Variants in MYO18B observed in about 807,000 individuals in gnomAD.
MYO18B encodes the protein myosin XVIIIB.
A neutral mutation model predicts 273.0 loss-of-function variants in MYO18B; 204 were observed. The observed-to-expected ratio is 0.75, with a 90% CI of 0.67 to 0.84. MYO18B has a LOEUF of 0.84. Among genes scored for constraint, MYO18B ranks in the 40% least tolerant of loss-of-function variants. The pLI is 0.00. For synonymous variants in MYO18B, 1,330 were observed against 1,305.7 expected (o/e 1.02, Z -0.40); for missense variants, 3,212 against 3,287.6 (o/e 0.98, Z 0.56).
chr22:25,955,452 C>T (rs933477467), intron 39 of MYO18B, 88 bp downstream of exon 39: 1 of 1,406,768 alleles, frequency 7.1e-7, no homozygotes, highest in East Asian at 2.4e-5. Context: ...GAATGGGAGA[C>T]TCATAGGTTT....
chr22:25,908,846 A>G (rs985860770), intron 32 of MYO18B, among the ~76,000 whole-genome samples: 1 of 152,196 alleles, frequency 6.6e-6, no homozygotes, highest in Non-Finnish European at 1.5e-5. Flanking sequence ...ACCCCTTGAC[A>G]TGTTATCACC....
rs543514290 is a variant in MYO18B, at chr22:25,814,183, T to G, written c.2522-9322T>G. ...ATTTCAGACTGGTTGAGCCACTCACTTGTTGAGTGGCTCTGTGAAAGTTCC... is the reference window on the plus strand; with the variant it reads ...ATTTCAGACTGGTTGAGCCACTCACGTGTTGAGTGGCTCTGTGAAAGTTCC... On this transcript the variant is annotated intron_variant, in intron 12 of 43. Transcript: ENST00000335473. Among the ~76,000 whole-genome samples, 64 of 152,160 alleles carry G rather than the reference T, an allele frequency of 4.2e-4. 1 individual carries two copies. In the South Asian group the frequency reaches 0.012, roughly 30 times the overall value.
chr22:25,763,172 C>T, intron 2 of MYO18B, 59 bp from the exon 3 acceptor site: 1 of 1,603,780 alleles, frequency 6.2e-7, no homozygotes. Context: ...CTTTGAAGGG[C>T]AGCTTGCTCC....
chr22:25,952,287 T>C lies in MYO18B; in HGVS notation c.5834T>C (p.Leu1945Pro). 1.2e-6 allele frequency: 2 copies of C among 1,609,298 alleles called. No homozygotes were observed. The highest frequency in any genetic ancestry group is 1.7e-6 in the Non-Finnish European group (2 of 1,178,132). The change falls in exon 38 of 44, where the codon CTG (leucine) becomes CCG (proline). Residue 1945 changes from leucine (L) to proline (P), a missense_variant and splice_region_variant. Transcript: ENST00000335473. ...KKEKHKLQEQ[L>P]QVAQMRIEYL... The stretch of plus-strand genomic sequence containing the variant: ...AATAGACTTCTCTCATACTTACAGC[T>C]GCAGGTGGCTCAGATGCGCATCGAG...
chr22:25,882,198 A>G (rs1330362637), intron 25 of MYO18B, among the ~76,000 whole-genome samples: 1 of 107,622 alleles, frequency 9.3e-6, no homozygotes, highest in Non-Finnish European at 1.8e-5. Context: ...CCCTGTTTTC[A>G]TCCCTGTTCG....
At chr22:26,015,622 G>A (rs1001118899) in intron 42 of MYO18B, among the ~76,000 whole-genome samples, 8 of 152,152 alleles carry the variant, frequency 5.3e-5, no homozygotes, top group African/African-American at 1.9e-4. Flanking sequence ...GACACATAGA[G>A]GGGAACAACA....
At position 25,973,867 on chromosome 22, in the gene MYO18B, A is replaced by G. The variant is rs569110015; in HGVS notation, c.6157-18496A>G. On this transcript the variant is annotated intron_variant, in intron 39 of 43. Transcript: ENST00000335473. Reference sequence around the variant, plus strand: ...GAACTCACACATGACTTTTCTCATCATCACATCATTGTCACAAGGAGGGGG... The same window carrying G: ...GAACTCACACATGACTTTTCTCATCGTCACATCATTGTCACAAGGAGGGGG... Among the ~76,000 whole-genome samples the G allele has an allele frequency of 2.0e-5, 3 of 152,274 alleles. No individual in the cohort carries two copies. The South Asian group carries it at 6.2e-4, about 32-fold the overall frequency.
chr22:25,961,523 C>G (rs1028762769), intron 39 of MYO18B, among the ~76,000 whole-genome samples: 2 of 152,130 alleles, frequency 1.3e-5, no homozygotes, highest in African/African-American at 4.8e-5. Flanking sequence ...ACTCCAGGAG[C>G]CATTATGGAG....
intron 17 of MYO18B, among the ~76,000 whole-genome samples, chr22:25,837,212 G>A (rs1217434283): frequency 5.9e-5 from 9 of 152,118 alleles, no homozygotes; most frequent in Non-Finnish European, 1.3e-4. Context: ...GAAGACTGAG[G>A]ACTGTGACTC....
chr22:25,824,943 C>T (rs1459587514), intron 13 of MYO18B, among the ~76,000 whole-genome samples: 2 of 152,134 alleles, frequency 1.3e-5, no homozygotes, highest in African/African-American at 4.8e-5. Context: ...CAGACACTGG[C>T]ACACATATAC....
Position 25,903,668 on chromosome 22 carries a change from TG to T in MYO18B, c.4987del (p.Glu1663ArgfsTer24). Reference sequence around the variant, plus strand: ...GAAGCCTCACAGCTGAAGCAGCAGGTGGAGATGCTACAGGACCATAAACGGG... The same window carrying T: ...GAAGCCTCACAGCTGAAGCAGCAGGTGAGATGCTACAGGACCATAAACGGG... ...EQEASQLKQQ[V>X]EMLQDHKREL... On this transcript the variant is annotated frameshift_variant, in exon 31 of 44. Transcript: ENST00000335473. LOFTEE classifies it high-confidence loss of function. The T allele has an allele frequency of 6.2e-7, 1 of 1,609,352 alleles. No individual in the cohort carries two copies. The highest frequency in any genetic ancestry group is 8.5e-7 in the Non-Finnish European group (1 of 1,177,864).
the MYO18B span, among the ~76,000 whole-genome samples, chr22:26,040,268 G>A: frequency 2.6e-5 from 4 of 152,082 alleles, no homozygotes; most frequent in African/African-American, 7.2e-5. Context: ...GTCCATGTCC[G>A]CCCTTAGGTT....
chr22:25,804,922 T>A (rs1458935715), intron 12 of MYO18B, among the ~76,000 whole-genome samples: 2 of 152,158 alleles, frequency 1.3e-5, no homozygotes, highest in East Asian at 3.9e-4. Context: ...TCACCTAGGA[T>A]GTCCATGCTG....
rs114278063 is a variant in MYO18B at position 25,782,388 on chromosome 22, A to T, written c.2312+554A>T. On this transcript the variant is annotated intron_variant, in intron 10 of 43. Coordinates refer to ENST00000335473, the MANE Select transcript of MYO18B (RefSeq NM_032608.7). Reference sequence around the variant, plus strand: ...TTTGGGTGTATGGTAGGGTATGCCTACATGAGGTTCCTCAGGATGGACCTG... The same window carrying T: ...TTTGGGTGTATGGTAGGGTATGCCTTCATGAGGTTCCTCAGGATGGACCTG... 3.8e-3 allele frequency among the ~76,000 whole-genome samples: 584 copies of T among 152,316 alleles called. 6 individuals are homozygous for T. The highest frequency in any genetic ancestry group is 0.014 in the African/African-American group (563 of 41,570).
At chr22:25,769,557 T>G in intron 4 of MYO18B, 129 bp downstream of exon 4, 2 of 828,662 alleles carry the variant, frequency 2.4e-6, no homozygotes, top group Non-Finnish European at 1.8e-6. Context: ...TGGAGAGGGG[T>G]GGCTGGAACT....
chr22:25,950,518 A>ATGTGTGTGTATGTGTGTGTGTGTGTATG, intron 37 of MYO18B, 68 bp downstream of exon 37: 1 of 604,444 alleles, frequency 1.7e-6, no homozygotes, highest in Non-Finnish European at 2.8e-6. Flanking sequence ...AACTAATAGG[A>ATGTGTGTGTATGTGTGTGTGTGTGTATG]TGTGTGTGTG....
At chr22:25,807,560 C>T (rs1601755242) in intron 12 of MYO18B, among the ~76,000 whole-genome samples, 1 of 152,178 alleles carries the variant, frequency 6.6e-6, no homozygotes, top group East Asian at 1.9e-4. Context: ...TAGCCCATTT[C>T]CCAGGCTTCA....
chr22:25,920,414 T>C (rs1406575685), intron 33 of MYO18B, among the ~76,000 whole-genome samples: 1 of 152,180 alleles, frequency 6.6e-6, no homozygotes, highest in East Asian at 1.9e-4. Flanking sequence ...CTGCACCTCT[T>C]CTGTTTTGGC....
At chr22:25,966,246 G>C (rs1238189759) in intron 39 of MYO18B, among the ~76,000 whole-genome samples, 1 of 151,270 alleles carries the variant, frequency 6.6e-6, no homozygotes, top group Non-Finnish European at 1.5e-5. Context: ...TTGTTTGTTT[G>C]TTTTTGTTTT....
Sources: allele counts gnomAD v4.1 joint callset (sites outside exome capture counted in the v4.1 genomes callset), GRCh38; gene constraint gnomAD v4.1.1; transcripts MANE v1.5; gene names NCBI Gene and HGNC (gene_info 2026-07-23, HGNC 2026-07-21).